Variants in DACH1 observed in about 807,000 individuals in gnomAD.
DACH1 encodes dachshund homolog 1.
A neutral mutation model predicts 54.2 loss-of-function variants in DACH1; 12 were observed. That is an observed-to-expected ratio of 0.22 (90% CI 0.14 to 0.36). The LOEUF is 0.36. Ranked by LOEUF, DACH1 falls within the 10% of genes least tolerant of loss-of-function variation. The probability of loss-of-function intolerance (pLI) is 1.00; values close to 1 mark genes in which losing one functional copy is unlikely to be tolerated. For synonymous variants in DACH1, 386 were observed against 366.2 expected, an observed-to-expected ratio of 1.05 and a Z score of -0.62; for missense variants, 805 against 929.8, an observed-to-expected ratio of 0.87 and a Z score of 1.75.
intron 2 of DACH1, among the ~76,000 whole-genome samples, chr13:71,661,488 A>C (rs1156415970): frequency 3.9e-5 from 6 of 151,990 alleles, no homozygotes; most frequent in Non-Finnish European, 7.4e-5. Context: ...TAGACAGATT[A>C]ATACATCTAA....
Position 71,682,015 on chromosome 13 carries a change from G to A in DACH1, c.849-105C>T, listed in dbSNP as rs1210236493. The A allele has an allele frequency of 5.0e-6, 3 of 601,882 alleles. No homozygotes were observed. In the African/African-American group the frequency reaches 5.6e-5, roughly 11 times the overall value. 37.3% of individuals were successfully genotyped at this position (601,882 alleles called of 1,614,324 possible). ...TGGACTGTAAATAAATTTGTTTCAAGGACGGTTGCTTTTGCAGTTAGATGT... is the reference window on the plus strand; with the variant it reads ...TGGACTGTAAATAAATTTGTTTCAAAGACGGTTGCTTTTGCAGTTAGATGT... On this transcript the variant is annotated intron_variant, in intron 1 of 10. Transcript: ENST00000613252.
chr13:71,573,098 T>G, intron 3 of DACH1, 86 bp from the exon 4 acceptor site: 1 of 1,331,374 alleles, frequency 7.5e-7, no homozygotes, highest in Middle Eastern at 2.3e-4. Flanking sequence ...CTAATAATGG[T>G]AGTCAAAGAA....
At position 71,866,338 on chromosome 13, in the gene DACH1, G is replaced by A. The variant is rs1433126295; in HGVS notation, c.432C>T (p.Ser144=). ...TGCTGCTGCTGCTGCTGCTGCTACT[G>A]CTGCTGCTGCTGCTGCCGGTGCTGG... ...INASTGSSSS[S]SSSSSSSSSS... The change falls in exon 1 of 11, where the codon AGC becomes AGT. Residue 144 remains serine (S), a synonymous_variant. Transcript: ENST00000613252. The A allele has an allele frequency of 1.2e-5, 17 of 1,361,864 alleles. No homozygotes were observed. The highest frequency in any genetic ancestry group is 2.8e-5 in the South Asian group (2 of 71,766). The allele number at this position is 1,361,864 out of a possible 1,614,324, so 84.4% of individuals were successfully genotyped here. A position where few individuals can be genotyped will look rare whatever the true frequency, so the allele number is the denominator to read the frequency against.
At chr13:71,719,215 G>A (rs1343655618) in intron 1 of DACH1, among the ~76,000 whole-genome samples, 1 of 152,172 alleles carries the variant, frequency 6.6e-6, no homozygotes, top group African/African-American at 2.4e-5. Flanking sequence ...TCTTCTGTAT[G>A]AATGCAACCT....
chr13:71,621,920 T>A (rs982611948), intron 3 of DACH1, among the ~76,000 whole-genome samples: 2 of 152,034 alleles, frequency 1.3e-5, no homozygotes, highest in African/African-American at 2.4e-5. Flanking sequence ...CAGCACTGAA[T>A]GTAAGGGTCT....
At chr13:71,690,587 C>A (rs1030514270) in intron 1 of DACH1, among the ~76,000 whole-genome samples, 6 of 152,122 alleles carry the variant, frequency 3.9e-5, no homozygotes, top group Non-Finnish European at 8.8e-5. Context: ...TTTCTCAAAG[C>A]TCCTGTCATA....
intron 7 of DACH1, among the ~76,000 whole-genome samples, 193 bp downstream of exon 7, chr13:71,488,800 AATAT>A (rs148136679): frequency 2.7e-5 from 4 of 148,492 alleles, no homozygotes; most frequent in South Asian, 2.1e-4. Flanking sequence ...CATATATATG[AATAT>A]ATATATATAT....
Position 71,510,038 on chromosome 13 carries a change from C to T in DACH1, c.1571-20890G>A, listed in dbSNP as rs556194349. ...TGGTCAATTATCAGACCTCCCTCTA[C>T]TTGACTTATTAGAGGCCCTTGACAC... On this transcript the variant is annotated intron_variant, in intron 6 of 10. Transcript: ENST00000613252. 2.0e-5 allele frequency among the ~76,000 whole-genome samples: 3 copies of T among 152,156 alleles called. No individual in the cohort carries two copies. In the South Asian group the frequency reaches 6.2e-4, roughly 32 times the overall value.
At chr13:71,710,280 T>G (rs904699621) in intron 1 of DACH1, among the ~76,000 whole-genome samples, 2 of 152,158 alleles carry the variant, frequency 1.3e-5, no homozygotes, top group African/African-American at 4.8e-5. Flanking sequence ...GAAAATTACA[T>G]TTCCCTTCAG....
intron 1 of DACH1, among the ~76,000 whole-genome samples, chr13:71,832,186 CAAAG>C (rs1888619153): frequency 6.6e-6 from 1 of 151,808 alleles, no homozygotes; most frequent in Non-Finnish European, 1.5e-5. Flanking sequence ...TAAATCCTGA[CAAAG>C]AGAAGACAAC....
chr13:71,591,324 C>A (rs1873694237), intron 3 of DACH1, among the ~76,000 whole-genome samples: 1 of 151,778 alleles, frequency 6.6e-6, no homozygotes. Context: ...AAATCATGAG[C>A]TTTTTTTATA....
At chr13:71,560,032 T>C (rs1884491386) in intron 4 of DACH1, 77 bp from the exon 5 acceptor site, 1 of 1,382,716 alleles carries the variant, frequency 7.2e-7, no homozygotes, top group Non-Finnish European at 9.5e-7. Context: ...ATGTTGTTTT[T>C]TCTCAATACA....
intron 1 of DACH1, among the ~76,000 whole-genome samples, chr13:71,751,106 G>A (rs142428975): frequency 1.3e-5 from 2 of 152,282 alleles, no homozygotes; most frequent in African/African-American, 4.8e-5. Context: ...TGTATGGAAG[G>A]AGGTTACAAA....
chr13:71,489,490 T>G (rs1285965506), intron 6 of DACH1, among the ~76,000 whole-genome samples: 2 of 152,104 alleles, frequency 1.3e-5, no homozygotes, highest in Non-Finnish European at 2.9e-5. Flanking sequence ...TCCTTTTAGT[T>G]TGTTCTGTTT....
chr13:71,505,622 T>C (rs1333626512), intron 6 of DACH1, among the ~76,000 whole-genome samples: 1 of 152,160 alleles, frequency 6.6e-6, no homozygotes, highest in Non-Finnish European at 1.5e-5. Context: ...ATCCAATAAC[T>C]GTTCTGTTCT....
chr13:71,727,414 C>A (rs192455147), intron 1 of DACH1, among the ~76,000 whole-genome samples: 1 of 152,158 alleles, frequency 6.6e-6, no homozygotes, highest in East Asian at 1.9e-4. Context: ...CACCAACAGC[C>A]CTGGTGCACA....
chr13:71,574,960 G>A (rs1262051986), intron 3 of DACH1, among the ~76,000 whole-genome samples: 2 of 151,852 alleles, frequency 1.3e-5, no homozygotes, highest in African/African-American at 4.8e-5. Context: ...AGTCAAACAC[G>A]CAAGCACTAT....
At position 71,818,283 on chromosome 13, in the gene DACH1, T is replaced by G. The variant is rs145374762; in HGVS notation, c.848+47639A>C. The stretch of plus-strand genomic sequence containing the variant: ...CAGGGTGGCCTGATAGAAAGTATGC[T>G]GGGTGCAAGTGTGCTTTCACTAGGT... On this transcript the variant is annotated intron_variant, in intron 1 of 10. Coordinates refer to ENST00000613252, the MANE Select transcript of DACH1 (RefSeq NM_080759.6). Among the ~76,000 whole-genome samples the G allele has an allele frequency of 1.8e-4, 27 of 152,322 alleles. No individual in the cohort carries two copies. In the East Asian group the frequency reaches 2.5e-3, roughly 14 times the overall value.
chr13:71,629,382 C>T (rs1876909352), intron 3 of DACH1, among the ~76,000 whole-genome samples: 1 of 152,098 alleles, frequency 6.6e-6, no homozygotes, highest in Non-Finnish European at 1.5e-5. Flanking sequence ...TACTGCTGGT[C>T]CTTTGCAATT....
Sources: gnomAD v4.1 joint callset for allele counts (sites outside exome capture counted in the v4.1 genomes callset) on GRCh38, gnomAD v4.1.1 for gene constraint, MANE v1.5 for transcripts, NCBI Gene and HGNC (gene_info 2026-07-23, HGNC 2026-07-21) for gene names.